Variants in HDAC10 observed in about 807,000 individuals in gnomAD.
HDAC10 encodes polyamine deacetylase HDAC10.
In HDAC10, 90 loss-of-function variants were observed where a neutral mutation model predicts 82.3. That is an observed-to-expected ratio of 1.09 (90% CI 0.92 to 1.30). The LOEUF (loss-of-function observed/expected upper bound fraction) is 1.30, where lower values mean the gene tolerates loss of function less well. HDAC10 is among the 50% of genes most tolerant of loss of function. The pLI is 0.00. For missense variants in HDAC10, 934 were observed against 876.3 expected, an observed-to-expected ratio of 1.07 and a Z score of -0.83; for synonymous variants, 456 against 391.7, an observed-to-expected ratio of 1.16 and a Z score of -1.94.
chr22:50,246,031 TGGAA>T lies in HDAC10; in HGVS notation c.1708_1711del (p.Phe570SerfsTer47). 6.2e-7 allele frequency: 1 copy of T among 1,612,778 alleles called. No homozygotes were observed. The highest frequency in any genetic ancestry group is 8.5e-7 in the Non-Finnish European group (1 of 1,179,814). On this transcript the variant is annotated frameshift_variant, in exon 18 of 20. Transcript: ENST00000216271. LOFTEE classifies it high-confidence loss of function. ...CAGCGCCACCAGCACCAGGTCAGGC[TGGAA>T]GCCATAGGCCAGGGGCAGCACCAAG...
At chr22:50,247,044 A>G (rs1360801598) in intron 14 of HDAC10, 78 bp from the exon 15 acceptor site, 6 of 840,008 alleles carry the variant, frequency 7.1e-6, no homozygotes, top group East Asian at 2.7e-5. Context: ...AGTTCCCTTC[A>G]TTCGGTGTGT....
At position 50,245,309 on chromosome 22, in the gene HDAC10, TGGGGCG is replaced by T; in HGVS notation, c.*192_*197del. 1 of 511,550 alleles carries T rather than the reference TGGGGCG, an allele frequency of 2.0e-6. No homozygotes were observed. Among genetic ancestry groups the T allele is most frequent in the African/African-American group, 3.7e-5 (1 of 27,070 alleles). The allele number at this position is 511,550 out of a possible 1,614,324, so 31.7% of individuals were successfully genotyped here. On this transcript the variant is annotated 3_prime_UTR_variant, in exon 20 of 20. Coordinates refer to ENST00000216271, the MANE Select transcript of HDAC10 (RefSeq NM_032019.6). ...ATGGGACGGGCCGGGGCGCGATGGGTGGGGCGGGGGCGAGGTGAGGTGAGGGGTGGA... is the reference window on the plus strand; with the variant it reads ...ATGGGACGGGCCGGGGCGCGATGGGTGGGGCGAGGTGAGGTGAGGGGTGGA...
Position 50,245,298 on chromosome 22 carries a change from G to A in HDAC10, c.*209C>T, listed in dbSNP as rs2064912094. ...CATGGGCCTCGATGGGACGGGCCGG[G>A]GCGCGATGGGTGGGGCGGGGGCGAG... On this transcript the variant is annotated 3_prime_UTR_variant, in exon 20 of 20. Coordinates refer to ENST00000216271, the MANE Select transcript of HDAC10 (RefSeq NM_032019.6). The A allele has an allele frequency of 2.6e-5, 16 of 617,868 alleles. No homozygotes were observed. Among genetic ancestry groups the A allele is most frequent in the South Asian group, 2.2e-4 (12 of 54,362 alleles). 38.3% of individuals were successfully genotyped at this position (617,868 alleles called of 1,614,324 possible).
chr22:50,247,558 G>A, intron 14 of HDAC10, 134 bp downstream of exon 14: 1 of 659,886 alleles, frequency 1.5e-6, no homozygotes, highest in East Asian at 2.7e-5. Flanking sequence ...AACAGTTCCT[G>A]GCACAAGGCA....
rs1444588184 is a variant in HDAC10, at chr22:50,247,769, C to G, written c.1345G>C (p.Glu449Gln). 11 of 1,610,272 alleles carry G rather than the reference C, an allele frequency of 6.8e-6. No homozygotes were observed. The highest frequency in any genetic ancestry group is 1.1e-5 in the South Asian group (1 of 90,998). The change falls in exon 14 of 20, where the codon GAG becomes CAG. Residue 449 changes from glutamate (E) to glutamine (Q), a missense_variant. Physicochemically the swap from Glu to Gln is conservative, Grantham distance 29. Transcript: ENST00000216271. The part of the protein sequence containing the change: ...EETEAWARPH[E>Q]SLAREEALTA... ...AGGGCCTCCTCCCGGGCCAGGGACT[C>G]GTGTGGCCTGTGGTGGACAGACCAG...
rs760713113 is a variant in HDAC10, at chr22:50,245,460, C to T, written c.*47G>A. Reference sequence around the variant, plus strand: ...CCGGATCGCGGCCGCGGGGCGCTGGCGTGCGGTGTCATTTCTGCGGTGTAA... The same window carrying T: ...CCGGATCGCGGCCGCGGGGCGCTGGTGTGCGGTGTCATTTCTGCGGTGTAA... On this transcript the variant is annotated 3_prime_UTR_variant, in exon 20 of 20. Coordinates refer to ENST00000216271, the MANE Select transcript of HDAC10 (RefSeq NM_032019.6). 1.3e-6 allele frequency: 1 copy of T among 760,906 alleles called. No individual in the cohort carries two copies. The highest frequency in any genetic ancestry group is 2.4e-6 in the Non-Finnish European group (1 of 415,310). 47.1% of individuals were successfully genotyped at this position (760,906 alleles called of 1,614,324 possible). A position where few individuals can be genotyped will look rare whatever the true frequency, so the allele number is the denominator to read the frequency against.
chr22:50,248,251 G>A lies in HDAC10; in HGVS notation c.1055C>T (p.Pro352Leu), dbSNP rs749187968. The change falls in exon 12 of 20, where the codon CCG (proline) becomes CTG (leucine). Residue 352 changes from proline (P) to leucine (L), a missense_variant. Coordinates refer to ENST00000216271, the MANE Select transcript of HDAC10 (RefSeq NM_032019.6). The surrounding 1 kb of genome is among the most constrained non-coding windows in gnomAD (Gnocchi z 5.4). ...SIQSARAAQA[P>L]HWKSLQQQDV... ...TTGCTGCTGGAGGCTCTTCCAGTGC[G>A]GGGCCTGGGCAGCACGGGCACTCTG... The A allele has an allele frequency of 1.9e-5, 31 of 1,612,258 alleles. No individual in the cohort carries two copies. The highest frequency in any genetic ancestry group is 8.9e-5 in the East Asian group (4 of 44,884).
intron 16 of HDAC10, 129 bp from the exon 17 acceptor site, chr22:50,246,505 G>A: frequency 9.7e-7 from 1 of 1,028,214 alleles, no homozygotes; most frequent in Non-Finnish European, 1.5e-6. Flanking sequence ...CCTCTGTGCT[G>A]GAGACCCACC....
In HDAC10 at chr22:50,251,140, G is replaced by T. The variant is rs1378198006; in HGVS notation, c.-108C>A. 1 of 1,172,910 alleles carries T rather than the reference G, an allele frequency of 8.5e-7. No individual in the cohort carries two copies. Among genetic ancestry groups the T allele is most frequent in the Non-Finnish European group, 1.2e-6 (1 of 833,558 alleles). 72.7% of individuals were successfully genotyped at this position (1,172,910 alleles called of 1,614,324 possible). A position where few individuals can be genotyped will look rare whatever the true frequency, so the allele number is the denominator to read the frequency against. The stretch of plus-strand genomic sequence containing the variant: ...CAGCCGGAGGCCTGGGACCTGCCTG[G>T]GGCGCAGGCGGGCGGCGGGCACCGG... On this transcript the variant is annotated 5_prime_UTR_variant, in exon 1 of 20. Coordinates refer to ENST00000216271, the MANE Select transcript of HDAC10 (RefSeq NM_032019.6).
At position 50,248,887 on chromosome 22, in the gene HDAC10, C is replaced by T. The variant is rs1173179819; in HGVS notation, c.760G>A (p.Asp254Asn). The T allele has an allele frequency of 2.5e-6, 4 of 1,611,054 alleles. No individual in the cohort carries two copies. The highest frequency in any genetic ancestry group is 3.4e-6 in the Non-Finnish European group (4 of 1,179,306). Reference sequence around the variant, plus strand: ...GCCGAGACCAGCACCAGCTCAGGGTCAAACTACAGGCCAGGCCGGAGTGGG... The same window carrying T: ...GCCGAGACCAGCACCAGCTCAGGGTTAAACTACAGGCCAGGCCGGAGTGGG... ...HLLLPLAFEF[D>N]PELVLVSAGF... Residue 254 changes from aspartate to asparagine, a missense_variant, in exon 9 of 20, where the codon GAC (aspartate) becomes AAC (asparagine). Coordinates refer to ENST00000216271, the MANE Select transcript of HDAC10 (RefSeq NM_032019.6). The surrounding 1 kb of genome is among the most constrained non-coding windows in gnomAD (Gnocchi z 5.4).
chr22:50,248,511 C>T lies in HDAC10; in HGVS notation c.907-39G>A. Reference sequence around the variant, plus strand: ...GGAGACATGATTGGGGCAGAGATATCACTGGGATGGGATGTCACCGGGAGA... The same window carrying T: ...GGAGACATGATTGGGGCAGAGATATTACTGGGATGGGATGTCACCGGGAGA... On this transcript the variant is annotated intron_variant, in intron 10 of 19. Transcript: ENST00000216271. This position sits in a 1 kb window ranked among gnomAD's most constrained non-coding sequence, Gnocchi z 5.4. 6.3e-7 allele frequency: 1 copy of T among 1,576,310 alleles called. No individual in the cohort carries two copies. The highest frequency in any genetic ancestry group is 8.6e-7 in the Non-Finnish European group (1 of 1,163,044).
rs753445180 is a variant in HDAC10, at chr22:50,248,258, G to GGGCAGCAC, written c.1040_1047dup (p.Gln350ValfsTer16). On this transcript the variant is annotated frameshift_variant, in exon 12 of 20. Transcript: ENST00000216271. LOFTEE classifies it high-confidence loss of function. The surrounding 1 kb of genome is among the most constrained non-coding windows in gnomAD (Gnocchi z 5.4). ...TGGAGGCTCTTCCAGTGCGGGGCCT[G>GGGCAGCAC]GGCAGCACGGGCACTCTGGATGGAC... 8.1e-6 allele frequency: 13 copies of GGGCAGCAC among 1,612,484 alleles called. No homozygotes were observed. Among genetic ancestry groups the GGGCAGCAC allele is most frequent in the Non-Finnish European group, 1.0e-5 (12 of 1,179,908 alleles).
In HDAC10 at chr22:50,246,633, C is replaced by T. The variant is rs372549071; in HGVS notation, c.1571+46G>A. ...GCCCAGGCACACGTCCATCACATGC[C>T]CGTCCACATGCATGGCTGGACATAT... On this transcript the variant is annotated intron_variant, in intron 16 of 19. Coordinates refer to ENST00000216271, the MANE Select transcript of HDAC10 (RefSeq NM_032019.6). The T allele has an allele frequency of 3.2e-6, 5 of 1,565,206 alleles. No individual in the cohort carries two copies. In the African/African-American group the frequency reaches 6.8e-5, roughly 21 times the overall value.
At position 50,248,942 on chromosome 22, in the gene HDAC10, G is replaced by T. The variant is rs767018343; in HGVS notation, c.757-52C>A. 2 of 1,572,718 alleles carry T rather than the reference G, an allele frequency of 1.3e-6. No individual in the cohort carries two copies. Among genetic ancestry groups the T allele is most frequent in the Non-Finnish European group, 1.7e-6 (2 of 1,154,658 alleles). ...GTCGACAGAGAGGGGCTGGAGCCCA[G>T]GTGAGGGCGAGCCAGGCCCATCCCA... On this transcript the variant is annotated intron_variant, in intron 8 of 19. Transcript: ENST00000216271. This position sits in a 1 kb window ranked among gnomAD's most constrained non-coding sequence, Gnocchi z 5.4.
intron 16 of HDAC10, 48 bp from the exon 17 acceptor site, chr22:50,246,424 A>G: frequency 6.7e-7 from 1 of 1,493,788 alleles, no homozygotes; most frequent in Non-Finnish European, 9.3e-7. Flanking sequence ...CACCCTCCTG[A>G]GCCCAAACCG....
In HDAC10 at chr22:50,251,186, A is replaced by C; in HGVS notation, c.-154T>G. On this transcript the variant is annotated 5_prime_UTR_variant, in exon 1 of 20. Coordinates refer to ENST00000216271, the MANE Select transcript of HDAC10 (RefSeq NM_032019.6). ...ACCGGCCTGGGCGGGAGCGCACAGA[A>C]CCTAGGCAGGCTCCGGGATCCCAGG... 1 of 696,100 alleles carries C rather than the reference A, an allele frequency of 1.4e-6. No homozygotes were observed. Among genetic ancestry groups the C allele is most frequent in the Non-Finnish European group, 2.3e-6 (1 of 429,496 alleles). 43.1% of individuals were successfully genotyped at this position (696,100 alleles called of 1,614,324 possible). A position where few individuals can be genotyped will look rare whatever the true frequency, so the allele number is the denominator to read the frequency against.
intron 4 of HDAC10, 42 bp from the exon 5 acceptor site, chr22:50,250,006 C>T: frequency 6.2e-7 from 1 of 1,608,102 alleles, no homozygotes. Flanking sequence ...CAGGGTCGCC[C>T]TGGCCCCTCA....
Position 50,251,061 on chromosome 22 carries a change from A to G in HDAC10, c.-29T>C. ...TGCGCCGTGGTCACCCTGGGTTCCC[A>G]AACGCCCTCGCTAGTGGTGCCTGCC... On this transcript the variant is annotated 5_prime_UTR_variant, in exon 1 of 20. Coordinates refer to ENST00000216271, the MANE Select transcript of HDAC10 (RefSeq NM_032019.6). The G allele has an allele frequency of 6.2e-7, 1 of 1,600,144 alleles. No individual in the cohort carries two copies. Among genetic ancestry groups the G allele is most frequent in the South Asian group, 1.1e-5 (1 of 89,846 alleles).
In HDAC10 at chr22:50,245,837, G is replaced by A; in HGVS notation, c.1834-10C>T. 1.3e-6 allele frequency: 2 copies of A among 1,561,490 alleles called. No individual in the cohort carries two copies. The highest frequency in any genetic ancestry group is 1.7e-6 in the Non-Finnish European group (2 of 1,152,802). On this transcript the variant is annotated splice_polypyrimidine_tract_variant and intron_variant, in intron 18 of 19. Coordinates refer to ENST00000216271, the MANE Select transcript of HDAC10 (RefSeq NM_032019.6). ...GCTGGGGTGTGGAGTTCTGGACCAG[G>A]GGCGAAGACGGAAGCAGTCACTGGT...
Sources: allele counts gnomAD v4.1 joint callset, GRCh38; gene constraint gnomAD v4.1.1; non-coding constraint Gnocchi (gnomAD v3.1); transcripts MANE v1.5; gene names NCBI Gene and HGNC (gene_info 2026-07-23, HGNC 2026-07-21).